MYT1L: variants seen among roughly 807,000 people sequenced by gnomAD.
The protein encoded by MYT1L is myelin transcription factor 1-like protein.
In MYT1L, 12 loss-of-function variants were observed where a neutral mutation model predicts 126.7. The ratio of observed to expected loss-of-function variants is 0.09; its 90% CI spans 0.06 to 0.15. The LOEUF (loss-of-function observed/expected upper bound fraction) is 0.15, where lower values mean the gene tolerates loss of function less well. Ranked by LOEUF, MYT1L falls within the 10% of genes least tolerant of loss-of-function variation. The probability of loss-of-function intolerance (pLI) is 1.00; values close to 1 mark genes in which losing one functional copy is unlikely to be tolerated. For missense variants in MYT1L, 979 were observed against 1,585.2 expected (o/e 0.62, Z 6.49); for synonymous variants, 541 against 604.2 (o/e 0.90, Z 1.53).
chr2:2,278,998 C>T (rs1323369453), intron 2 of MYT1L, among the ~76,000 whole-genome samples: 1 of 152,134 alleles, frequency 6.6e-6, no homozygotes, highest in African/African-American at 2.4e-5. Context: ...CTCTGCACTC[C>T]CCTCCCCACG....
At chr2:1,882,009 A>G (rs12988265) in intron 18 of MYT1L, among the ~76,000 whole-genome samples, 2,447 of 152,280 alleles carry the variant, frequency 0.016, 39 homozygotes, top group Non-Finnish European at 0.027. Context: ...GATTGTCTCT[A>G]CATCTCAACT....
At chr2:2,147,482 C>T (rs2085058749) in intron 3 of MYT1L, among the ~76,000 whole-genome samples, 1 of 152,224 alleles carries the variant, frequency 6.6e-6, no homozygotes, top group Admixed American at 6.5e-5. Flanking sequence ...TCGGCTATGT[C>T]CCAAGCGTGG....
intron 21 of MYT1L, among the ~76,000 whole-genome samples, chr2:1,834,616 C>T (rs938013849): frequency 2.6e-5 from 4 of 152,192 alleles, no homozygotes; most frequent in Non-Finnish European, 5.9e-5. Context: ...ATAGGAGGTC[C>T]CTAGAAGCAT....
chr2:1,927,114 G>A (rs1008125542), intron 9 of MYT1L, among the ~76,000 whole-genome samples: 3 of 152,202 alleles, frequency 2.0e-5, no homozygotes, highest in Non-Finnish European at 4.4e-5. Flanking sequence ...GGGGCTGACC[G>A]CTGGGTGGAC....
intron 18 of MYT1L, among the ~76,000 whole-genome samples, chr2:1,866,609 G>C (rs968078847): frequency 7.9e-6 from 1 of 126,114 alleles, no homozygotes; most frequent in African/African-American, 3.2e-5. Context: ...GAGAGGGAGG[G>C]GGAGAGAGAG....
At chr2:2,123,864 T>C (rs1374986060) in intron 3 of MYT1L, among the ~76,000 whole-genome samples, 1 of 152,084 alleles carries the variant, frequency 6.6e-6, no homozygotes. Flanking sequence ...GTAGACGTGA[T>C]GGTGAAAGCA....
intron 4 of MYT1L, among the ~76,000 whole-genome samples, chr2:2,028,913 G>A (rs1025614484): frequency 6.6e-6 from 1 of 152,136 alleles, no homozygotes; most frequent in Non-Finnish European, 1.5e-5. Context: ...GGACACATTG[G>A]GGGGCTTCTG....
At chr2:2,009,678 G>T (rs1173685578) in intron 4 of MYT1L, among the ~76,000 whole-genome samples, 1 of 152,074 alleles carries the variant, frequency 6.6e-6, no homozygotes, top group Non-Finnish European at 1.5e-5. Flanking sequence ...TTCTGAAGTG[G>T]ATCCCTTTTG....
intron 3 of MYT1L, among the ~76,000 whole-genome samples, chr2:2,141,163 T>C (rs778713636): frequency 2.0e-5 from 3 of 152,178 alleles, no homozygotes; most frequent in African/African-American, 4.8e-5. Flanking sequence ...TTTTATTAAA[T>C]TGATATCTTT....
intron 2 of MYT1L, among the ~76,000 whole-genome samples, chr2:2,197,918 TACAC>T (rs1167122950): frequency 6.7e-6 from 1 of 148,942 alleles, no homozygotes; most frequent in Non-Finnish European, 1.5e-5. Flanking sequence ...GTATATAACA[TACAC>T]ACATATATAC....
At chr2:2,191,806 C>A (rs2092602104) in intron 2 of MYT1L, among the ~76,000 whole-genome samples, 1 of 152,220 alleles carries the variant, frequency 6.6e-6, no homozygotes. Context: ...TCCTTTTAAG[C>A]AGAAGATGGC....
chr2:1,959,176 T>C (rs1315832715), intron 8 of MYT1L, among the ~76,000 whole-genome samples: 4 of 152,180 alleles, frequency 2.6e-5, no homozygotes, highest in Non-Finnish European at 5.9e-5. Context: ...ACGAGAAGGC[T>C]GGACACAATG....
rs79704288 is a variant in MYT1L at position 1,929,000 on chromosome 2, C to T, written c.506-5737G>A. On this transcript the variant is annotated intron_variant, in intron 9 of 24. Transcript: ENST00000647738. Reference sequence around the variant, plus strand: ...GAGGGAACTGGGGGTACAGGACAGGCCTGGACCCCCTGACTCTTATGCAGG... The same window carrying T: ...GAGGGAACTGGGGGTACAGGACAGGTCTGGACCCCCTGACTCTTATGCAGG... Among the ~76,000 whole-genome samples, 225 of 152,150 alleles carry T rather than the reference C, an allele frequency of 1.5e-3. 1 individual carries two copies. The East Asian group carries it at 0.032, about 22-fold the overall frequency.
chr2:1,901,000 G>A (rs1321934663), intron 14 of MYT1L, among the ~76,000 whole-genome samples: 3 of 152,150 alleles, frequency 2.0e-5, no homozygotes, highest in South Asian at 2.1e-4. Context: ...CTGCAGCCTC[G>A]CAAGGTCAGC....
chr2:2,024,395 A>G (rs1303761026), intron 4 of MYT1L, among the ~76,000 whole-genome samples: 1 of 152,204 alleles, frequency 6.6e-6, no homozygotes, highest in African/African-American at 2.4e-5. Context: ...TCTTTCTGGC[A>G]TTTGGTTGGC....
intron 5 of MYT1L, among the ~76,000 whole-genome samples, chr2:1,986,863 A>G (rs918223152): frequency 6.6e-6 from 1 of 152,134 alleles, no homozygotes; most frequent in Non-Finnish European, 1.5e-5. Context: ...TTTCAGATGT[A>G]ATGGTTGCAT....
In MYT1L at chr2:1,917,129, G is replaced by A; in HGVS notation, c.1618+76C>T. ...CACCGAGCCGTACAATGGAGATGATGTCAGGTAAGAGGGATGACAGAGACA... is the reference window on the plus strand; with the variant it reads ...CACCGAGCCGTACAATGGAGATGATATCAGGTAAGAGGGATGACAGAGACA... On this transcript the variant is annotated intron_variant, in intron 11 of 24. Coordinates refer to ENST00000647738, the MANE Select transcript of MYT1L (RefSeq NM_001303052.2). This position sits in a 1 kb window ranked among gnomAD's most constrained non-coding sequence, Gnocchi z 5.9. 2 of 1,525,764 alleles carry A rather than the reference G, an allele frequency of 1.3e-6. No homozygotes were observed. Among genetic ancestry groups the A allele is most frequent in the African/African-American group, 1.4e-5 (1 of 73,052 alleles). 94.5% of individuals were successfully genotyped at this position (1,525,764 alleles called of 1,614,324 possible).
chr2:2,129,892 C>T lies in MYT1L; in HGVS notation c.-304+42980G>A, dbSNP rs539743316. Among the ~76,000 whole-genome samples the T allele has an allele frequency of 9.0e-3, 1,271 of 141,434 alleles. 11 individuals are homozygous for T. Among genetic ancestry groups the T allele is most frequent in the Middle Eastern group, 0.03 (8 of 268 alleles). 92.8% of individuals were successfully genotyped at this position (141,434 alleles called of 152,430 possible). A position where few individuals can be genotyped will look rare whatever the true frequency, so the allele number is the denominator to read the frequency against. On this transcript the variant is annotated intron_variant, in intron 3 of 24. Coordinates refer to ENST00000647738, the MANE Select transcript of MYT1L (RefSeq NM_001303052.2). Reference sequence around the variant, plus strand: ...CTGTACTCCTGCCTGGGCGACAGAGCGAGACTCCATCTCAAAAAAAAAAAA... The same window carrying T: ...CTGTACTCCTGCCTGGGCGACAGAGTGAGACTCCATCTCAAAAAAAAAAAA...
At chr2:1,794,692 T>C (rs2033051527) in intron 23 of MYT1L, among the ~76,000 whole-genome samples, 1 of 152,194 alleles carries the variant, frequency 6.6e-6, no homozygotes, top group African/African-American at 2.4e-5. Flanking sequence ...TCTTCCTATG[T>C]TCAGGAATCT....
Sources: allele counts gnomAD v4.1 joint callset (sites outside exome capture counted in the v4.1 genomes callset), GRCh38; gene constraint gnomAD v4.1.1; non-coding constraint Gnocchi (gnomAD v3.1); transcripts MANE v1.5; gene names NCBI Gene and HGNC (gene_info 2026-07-23, HGNC 2026-07-21).